The following LPP variants were observed in gnomAD, a reference collection of about 807,000 sequenced individuals.
LPP encodes the protein LIM domain containing preferred translocation partner in lipoma.
In LPP, 38 loss-of-function variants were observed where a neutral mutation model predicts 60.4. The ratio of observed to expected loss-of-function variants is 0.63; its 90% CI spans 0.49 to 0.83. LPP has a LOEUF of 0.83. LPP is among the 40% of genes least tolerant of loss of function. LPP has a pLI of 0.00. For missense variants in LPP, 902 were observed against 783.6 expected (o/e 1.15, Z -1.80); for synonymous variants, 328 against 290.8 (o/e 1.13, Z -1.30).
chr3:188,686,512 C>T (rs1860760995), intron 7 of LPP, among the ~76,000 whole-genome samples: 1 of 152,182 alleles, frequency 6.6e-6, no homozygotes, highest in Admixed American at 6.5e-5. Flanking sequence ...TAACACAGGG[C>T]GTGACTTCCT....
At chr3:188,233,981 T>C (rs1287245773) in intron 2 of LPP, among the ~76,000 whole-genome samples, 1 of 152,060 alleles carries the variant, frequency 6.6e-6, no homozygotes, top group Non-Finnish European at 1.5e-5. Flanking sequence ...ACCCCAATCC[T>C]AACTTTTCTT....
intron 2 of LPP, among the ~76,000 whole-genome samples, chr3:188,293,536 A>G (rs1746759582): frequency 6.6e-6 from 1 of 152,236 alleles, no homozygotes; most frequent in African/African-American, 2.4e-5. Flanking sequence ...TCATGAGTGG[A>G]TCATCGAAGG....
chr3:188,855,645 T>G (rs185818448), intron 9 of LPP, among the ~76,000 whole-genome samples: 1 of 152,318 alleles, frequency 6.6e-6, no homozygotes, highest in African/African-American at 2.4e-5. Flanking sequence ...GCTCCTTCTC[T>G]GTGCCCCAGG....
At chr3:188,424,004 G>A (rs1788608046) in intron 4 of LPP, among the ~76,000 whole-genome samples, 1 of 151,850 alleles carries the variant, frequency 6.6e-6, no homozygotes. Context: ...CATTGCTTTT[G>A]GTGTTTTAGT....
At chr3:188,163,696 C>T (rs912080906) in intron 1 of LPP, among the ~76,000 whole-genome samples, 1 of 151,018 alleles carries the variant, frequency 6.6e-6, no homozygotes, top group African/African-American at 2.4e-5. Context: ...AGTCCCAGCA[C>T]TTTGGGAGAC....
chr3:188,602,744 AG>A lies in LPP; in HGVS notation c.430-6416del, dbSNP rs1841641988. 2.1e-5 allele frequency among the ~76,000 whole-genome samples: 3 copies of A among 144,080 alleles called. No homozygotes were observed. The Admixed American group carries it at 2.1e-4, about 10-fold the overall frequency. 94.5% of individuals were successfully genotyped at this position (144,080 alleles called of 152,430 possible). A position where few individuals can be genotyped will look rare whatever the true frequency, so the allele number is the denominator to read the frequency against. On this transcript the variant is annotated intron_variant, in intron 6 of 11. Coordinates refer to ENST00000617246, the MANE Select transcript of LPP (RefSeq NM_001375462.1). ...ATTATTTATTAAAAAAAAAAAAAGG[AG>A]AAGAGTAACTTAGCATTTCCCCTCC...
intron 9 of LPP, among the ~76,000 whole-genome samples, chr3:188,764,054 T>G (rs1280893899): frequency 1.3e-5 from 2 of 152,168 alleles, no homozygotes; most frequent in Admixed American, 6.5e-5. Context: ...TATTTTAAGT[T>G]TGTGTAATTA....
rs946767577 is a variant in LPP at position 188,503,065 on chromosome 3, AT to A, written c.306+18369del. The stretch of plus-strand genomic sequence containing the variant: ...TTCTTTGTCCTTTATTTCCTATATA[AT>A]TTTTTTTGTGTATTCAATTGATTTT... On this transcript the variant is annotated intron_variant, in intron 5 of 11. Coordinates refer to ENST00000617246, the MANE Select transcript of LPP (RefSeq NM_001375462.1). Among the ~76,000 whole-genome samples, 8 of 151,644 alleles carry A rather than the reference AT, an allele frequency of 5.3e-5. No individual in the cohort carries two copies. The East Asian group carries it at 9.7e-4, about 18-fold the overall frequency.
chr3:188,538,517 T>C (rs993578495), intron 6 of LPP, among the ~76,000 whole-genome samples: 1 of 152,172 alleles, frequency 6.6e-6, no homozygotes, highest in Non-Finnish European at 1.5e-5. Flanking sequence ...CTAAGGTGGC[T>C]ATAATAAAAA....
At position 188,403,555 on chromosome 3, in the gene LPP, A is replaced by G. The variant is rs551677210; in HGVS notation, c.-9-2557A>G. 3.3e-5 allele frequency among the ~76,000 whole-genome samples: 5 copies of G among 152,354 alleles called. No homozygotes were observed. In the East Asian group the frequency reaches 9.6e-4, roughly 29 times the overall value. ...TTTCACACTTATATTCACTTTAGTC[A>G]TACTGAAAGCAAACCAGTCACTTTT... On this transcript the variant is annotated intron_variant, in intron 3 of 11. Coordinates refer to ENST00000617246, the MANE Select transcript of LPP (RefSeq NM_001375462.1).
At chr3:188,436,857 C>T (rs1383725494) in intron 4 of LPP, among the ~76,000 whole-genome samples, 1 of 151,894 alleles carries the variant, frequency 6.6e-6, no homozygotes, top group Non-Finnish European at 1.5e-5. Context: ...GGTGAGCAGG[C>T]AGAGTGGGGT....
chr3:188,499,701 T>C (rs1811270825), intron 5 of LPP, among the ~76,000 whole-genome samples: 1 of 152,180 alleles, frequency 6.6e-6, no homozygotes, highest in Admixed American at 6.5e-5. Context: ...TATTGGTTGA[T>C]ATTGACATCT....
At chr3:188,580,272 T>A (rs1835770707) in intron 6 of LPP, among the ~76,000 whole-genome samples, 1 of 152,090 alleles carries the variant, frequency 6.6e-6, no homozygotes, top group South Asian at 2.1e-4. Flanking sequence ...AAACATTTAG[T>A]ATTTAATTAT....
chr3:188,227,253 T>G (rs1169686879), intron 2 of LPP, among the ~76,000 whole-genome samples: 2 of 151,586 alleles, frequency 1.3e-5, no homozygotes, highest in East Asian at 1.9e-4. Context: ...TAGTTACATA[T>G]GTATACATGT....
intron 7 of LPP, among the ~76,000 whole-genome samples, chr3:188,634,626 T>A (rs535585432): frequency 6.6e-6 from 1 of 152,280 alleles, no homozygotes; most frequent in African/African-American, 2.4e-5. Flanking sequence ...TGGATTCTCA[T>A]AGGAGCGTGA....
rs764344438 is a variant in LPP at position 188,609,164 on chromosome 3, T to C, written c.433T>C (p.Ser145Pro). The part of the protein sequence containing the change: ...SPYKPRPPQS[S>P]TGSTASPPVS... ...TTTTTTTTCCTATTCTTTTTAGAGC[T>C]CCACTGGTTCAACAGCCTCTCCTCC... The change falls in exon 7 of 12, where the codon TCC becomes CCC. Residue 145 changes from serine to proline, a missense_variant. Coordinates refer to ENST00000617246, the MANE Select transcript of LPP (RefSeq NM_001375462.1). This position sits in a 1 kb window ranked among gnomAD's most constrained non-coding sequence, Gnocchi z 6.9. 8 of 1,590,944 alleles carry C rather than the reference T, an allele frequency of 5.0e-6. No individual in the cohort carries two copies. The highest frequency in any genetic ancestry group is 6.9e-6 in the Non-Finnish European group (8 of 1,166,854).
intron 9 of LPP, among the ~76,000 whole-genome samples, chr3:188,811,138 A>C (rs1396211782): frequency 2.6e-5 from 4 of 152,088 alleles, no homozygotes; most frequent in Non-Finnish European, 5.9e-5. Context: ...TTGATATAAA[A>C]ATTTTCAATG....
At chr3:188,356,996 G>A (rs1207388132) in intron 3 of LPP, among the ~76,000 whole-genome samples, 1 of 152,150 alleles carries the variant, frequency 6.6e-6, no homozygotes, top group African/African-American at 2.4e-5. Flanking sequence ...TCATTCCATT[G>A]CTTTCCATCC....
intron 5 of LPP, among the ~76,000 whole-genome samples, chr3:188,492,459 C>G (rs1187924041): frequency 6.6e-6 from 1 of 152,072 alleles, no homozygotes; most frequent in Non-Finnish European, 1.5e-5. Flanking sequence ...CTTTGGGAGG[C>G]TGAGGTAGGT....
Sources: allele counts gnomAD v4.1 joint callset (sites outside exome capture counted in the v4.1 genomes callset), GRCh38; gene constraint gnomAD v4.1.1; non-coding constraint Gnocchi (gnomAD v3.1); transcripts MANE v1.5; gene names NCBI Gene and HGNC (gene_info 2026-07-23, HGNC 2026-07-21).